CHMP7: variants seen among roughly 807,000 people sequenced by gnomAD.
The protein encoded by CHMP7 is CHMP family, member 7.
Under a neutral mutation model 53.7 loss-of-function variants are expected in CHMP7, and 15 were observed. The ratio of observed to expected loss-of-function variants is 0.28; its 90% CI spans 0.19 to 0.43. CHMP7 has a LOEUF of 0.43. Among genes scored for constraint, CHMP7 ranks in the 20% least tolerant of loss-of-function variants. The probability of loss-of-function intolerance (pLI) is 1.00; values close to 1 mark genes in which losing one functional copy is unlikely to be tolerated. For missense variants in CHMP7, 527 were observed against 569.4 expected (o/e 0.93, Z 0.76); for synonymous variants, 261 against 228.0 (o/e 1.14, Z -1.30).
chr8:23,255,973 C>T (rs1274036183), intron 4 of CHMP7, among the ~76,000 whole-genome samples: 1 of 152,010 alleles, frequency 6.6e-6, no homozygotes, highest in Non-Finnish European at 1.5e-5. Context: ...GTTAGCCAGG[C>T]TGTCTTGAAC....
At chr8:23,257,571 G>T (rs1181656190) in intron 5 of CHMP7, among the ~76,000 whole-genome samples, 1 of 152,234 alleles carries the variant, frequency 6.6e-6, no homozygotes, top group East Asian at 1.9e-4. Context: ...TTTCTGAGGG[G>T]CTCTTCCCCT....
chr8:23,248,216 C>T (rs1172448418), intron 2 of CHMP7: 2 of 456,174 alleles, frequency 4.4e-6, no homozygotes, highest in Admixed American at 2.3e-5. Flanking sequence ...GGGAAGGGAC[C>T]AGAATGGGCC....
chr8:23,253,202 G>C (rs1196835822), intron 3 of CHMP7, among the ~76,000 whole-genome samples: 1 of 152,184 alleles, frequency 6.6e-6, no homozygotes, highest in Non-Finnish European at 1.5e-5. Context: ...TTGTATCGCT[G>C]TCCTGCTGTC....
At chr8:23,256,249 T>A (rs892049004) in intron 4 of CHMP7, among the ~76,000 whole-genome samples, 6 of 152,152 alleles carry the variant, frequency 3.9e-5, no homozygotes, top group Non-Finnish European at 7.3e-5. Context: ...TAGGAAAAAT[T>A]GTGAAGAAGG....
chr8:23,245,228 C>G (rs1801644157), intron 1 of CHMP7, among the ~76,000 whole-genome samples: 2 of 152,192 alleles, frequency 1.3e-5, no homozygotes, highest in South Asian at 4.1e-4. Context: ...GGAAAACGAT[C>G]TAGGTTTTCA....
At chr8:23,259,329 C>T (rs111575013) in intron 9 of CHMP7, among the ~76,000 whole-genome samples, 1,864 of 149,102 alleles carry the variant, frequency 0.013, 39 homozygotes, top group African/African-American at 0.043. Flanking sequence ...CCACTATGCC[C>T]GGCTAATTTT....
At position 23,260,704 on chromosome 8, in the gene CHMP7, A is replaced by T; in HGVS notation, c.*105A>T. The T allele has an allele frequency of 1.1e-6, 1 of 891,812 alleles. No homozygotes were observed. 55.2% of individuals were successfully genotyped at this position (891,812 alleles called of 1,614,324 possible). A position where few individuals can be genotyped will look rare whatever the true frequency, so the allele number is the denominator to read the frequency against. On this transcript the variant is annotated 3_prime_UTR_variant, in exon 11 of 11. Transcript: ENST00000397677. ...CTCAGAATGTGTTTGGAAGAGGAGA[A>T]AGGAGAACCACTGATTTTATCTGGA...
In CHMP7 at chr8:23,252,909, A is replaced by G. The variant is rs547069170; in HGVS notation, c.472-2338A>G. On this transcript the variant is annotated intron_variant, in intron 3 of 10. Transcript: ENST00000397677. ...ACTGTGCAGTTACTGCAGTGGTTGC[A>G]TATCTGGTAGGGCAGTCAAATCAAT... Among the ~76,000 whole-genome samples, 6 of 152,308 alleles carry G rather than the reference A, an allele frequency of 3.9e-5. No individual in the cohort carries two copies. In the East Asian group the frequency reaches 1.2e-3, roughly 29 times the overall value.
intron 9 of CHMP7, chr8:23,259,897 G>A (rs1216664566): frequency 1.5e-5 from 7 of 455,844 alleles, no homozygotes; most frequent in Non-Finnish European, 2.4e-5. Flanking sequence ...CCTCCTTCAA[G>A]GGCAGTGGGA....
chr8:23,252,195 C>CTTTTTTTTTTTTTTTTTTTTTTTTTTTTT (rs373288680), intron 3 of CHMP7, among the ~76,000 whole-genome samples: 2 of 105,296 alleles, frequency 1.9e-5, no homozygotes, highest in Non-Finnish European at 2.0e-5. Context: ...ATTGTGTTAT[C>CTTTTTTTTTTTTTTTTTTTTTTTTTTTTT]TTTTTTTTTT....
chr8:23,246,525 G>A lies in CHMP7; in HGVS notation c.-171G>A. The A allele has an allele frequency of 1.6e-6, 1 of 618,448 alleles. No homozygotes were observed. Among genetic ancestry groups the A allele is most frequent in the Non-Finnish European group, 2.8e-6 (1 of 355,280 alleles). 38.3% of individuals were successfully genotyped at this position (618,448 alleles called of 1,614,324 possible). On this transcript the variant is annotated 5_prime_UTR_variant, in exon 2 of 11. Coordinates refer to ENST00000397677, the MANE Select transcript of CHMP7 (RefSeq NM_152272.5). ...CATACTGCCTCCTGGCTGACGGAGCGCAGCGCAACGCATGCGCCTTGAAGA... is the reference window on the plus strand; with the variant it reads ...CATACTGCCTCCTGGCTGACGGAGCACAGCGCAACGCATGCGCCTTGAAGA...
At chr8:23,250,916 G>A (rs1031622667) in intron 3 of CHMP7, among the ~76,000 whole-genome samples, 2 of 152,150 alleles carry the variant, frequency 1.3e-5, no homozygotes, top group Non-Finnish European at 1.5e-5. Flanking sequence ...TCCCAGGATT[G>A]TTGACTAAGC....
chr8:23,246,508 C>G lies in CHMP7; in HGVS notation c.-188C>G, dbSNP rs1044269231. Reference sequence around the variant, plus strand: ...TCTGAAAAGAACTTCATCATACTGCCTCCTGGCTGACGGAGCGCAGCGCAA... The same window carrying G: ...TCTGAAAAGAACTTCATCATACTGCGTCCTGGCTGACGGAGCGCAGCGCAA... On this transcript the variant is annotated 5_prime_UTR_variant, in exon 2 of 11. Coordinates refer to ENST00000397677, the MANE Select transcript of CHMP7 (RefSeq NM_152272.5). 3.3e-6 allele frequency: 2 copies of G among 603,324 alleles called. No individual in the cohort carries two copies. The highest frequency in any genetic ancestry group is 5.8e-6 in the Non-Finnish European group (2 of 342,202). The allele number at this position is 603,324 out of a possible 1,614,324, so 37.4% of individuals were successfully genotyped here.
chr8:23,247,643 A>G (rs1801759775), intron 2 of CHMP7, among the ~76,000 whole-genome samples: 4 of 152,210 alleles, frequency 2.6e-5, no homozygotes, highest in Admixed American at 2.6e-4. Context: ...CCCAGCATGC[A>G]GATACTTTGC....
At position 23,246,620 on chromosome 8, in the gene CHMP7, A is replaced by G; in HGVS notation, c.-76A>G. 1 of 1,297,448 alleles carries G rather than the reference A, an allele frequency of 7.7e-7. No homozygotes were observed. Among genetic ancestry groups the G allele is most frequent in the Non-Finnish European group, 1.1e-6 (1 of 949,146 alleles). 80.4% of individuals were successfully genotyped at this position (1,297,448 alleles called of 1,614,324 possible). A position where few individuals can be genotyped will look rare whatever the true frequency, so the allele number is the denominator to read the frequency against. On this transcript the variant is annotated 5_prime_UTR_variant, in exon 2 of 11. Transcript: ENST00000397677. ...CGAGAAGGAGGTGGTCAAGGAACGG[A>G]AGCCGGGAGGGAACGAGGGCGGAAG...
intron 4 of CHMP7, 114 bp downstream of exon 4, chr8:23,255,546 C>A: frequency 1.2e-6 from 1 of 854,358 alleles, no homozygotes; most frequent in Non-Finnish European, 1.9e-6. Flanking sequence ...CTGCCGTCAA[C>A]CACGGTCCAA....
chr8:23,258,606 T>C, intron 7 of CHMP7, 126 bp from the exon 8 acceptor site: 1 of 1,215,606 alleles, frequency 8.2e-7, no homozygotes, highest in South Asian at 1.3e-5. Flanking sequence ...CCTCGGTGGG[T>C]ATAGGGTAAA....
chr8:23,258,539 T>A (rs1472620583), intron 7 of CHMP7, 90 bp downstream of exon 7: 12 of 1,555,688 alleles, frequency 7.7e-6, no homozygotes, highest in Admixed American at 1.7e-5. Flanking sequence ...GGAGGATCCC[T>A]GGGTTCTTTC....
At chr8:23,245,526 A>C (rs774624768) in intron 1 of CHMP7, among the ~76,000 whole-genome samples, 1 of 152,222 alleles carries the variant, frequency 6.6e-6, no homozygotes. Flanking sequence ...CAATTTGCTA[A>C]CATTCTATTG....
Sources: allele counts gnomAD v4.1 joint callset (sites outside exome capture counted in the v4.1 genomes callset), GRCh38; gene constraint gnomAD v4.1.1; transcripts MANE v1.5; gene names NCBI Gene and HGNC (gene_info 2026-07-23, HGNC 2026-07-21).